The following FMNL2 variants were observed in gnomAD, a reference collection of about 807,000 sequenced individuals.
FMNL2 encodes the protein formin-like protein 2.
Under a neutral mutation model 130.2 loss-of-function variants are expected in FMNL2, and 51 were observed. That is an observed-to-expected ratio of 0.39 (90% CI 0.31 to 0.49). The LOEUF is 0.49. Ranked by LOEUF, FMNL2 falls within the 20% of genes least tolerant of loss-of-function variation. FMNL2 has a pLI of 0.85. For missense variants in FMNL2, 977 were observed against 1,316.2 expected (o/e 0.74, Z 3.99); for synonymous variants, 465 against 467.1 (o/e 1.00, Z 0.06).
At chr2:152,339,587 C>T (rs973638668) in intron 1 of FMNL2, among the ~76,000 whole-genome samples, 2 of 152,186 alleles carry the variant, frequency 1.3e-5, no homozygotes, top group African/African-American at 4.8e-5. Flanking sequence ...TGTGTCTTAG[C>T]TGCTGTATCT....
Position 152,525,947 on chromosome 2 carries a change from G to T in FMNL2, c.201+3921G>T, listed in dbSNP as rs2105420869. On this transcript the variant is annotated intron_variant, in intron 2 of 25. Transcript: ENST00000288670. ...AATTTTTTTTAAACCCTTTACTTGT[G>T]GTCAAATACTATTTCTTTAAAAAAG... 1.3e-5 allele frequency among the ~76,000 whole-genome samples: 2 copies of T among 151,954 alleles called. 1 individual carries two copies. Among genetic ancestry groups the T allele is most frequent in the East Asian group, 3.9e-4 (2 of 5,170 alleles).
intron 1 of FMNL2, among the ~76,000 whole-genome samples, chr2:152,486,370 G>C (rs985346187): frequency 6.6e-6 from 1 of 152,144 alleles, no homozygotes; most frequent in Non-Finnish European, 1.5e-5. Context: ...TACATAGCTG[G>C]GTTGGTTAAT....
At chr2:152,454,507 G>C (rs952557354) in intron 1 of FMNL2, among the ~76,000 whole-genome samples, 10 of 152,140 alleles carry the variant, frequency 6.6e-5, no homozygotes, top group African/African-American at 2.4e-4. Flanking sequence ...TGAAAGAACT[G>C]TTAAAATCCT....
At chr2:152,633,119 A>G (rs1682294609) in intron 21 of FMNL2, among the ~76,000 whole-genome samples, 2 of 149,058 alleles carry the variant, frequency 1.3e-5, no homozygotes, top group Admixed American at 1.3e-4. Context: ...TTTTTTAGAC[A>G]GGGTCTTGCT....
chr2:152,387,097 A>G (rs1684829170), intron 1 of FMNL2, among the ~76,000 whole-genome samples: 1 of 152,322 alleles, frequency 6.6e-6, no homozygotes, highest in Admixed American at 6.5e-5. Context: ...ATTCCTGGGA[A>G]GTAGAAATGA....
At chr2:152,388,496 G>A (rs1319990299) in intron 1 of FMNL2, among the ~76,000 whole-genome samples, 2 of 152,082 alleles carry the variant, frequency 1.3e-5, no homozygotes, top group African/African-American at 4.8e-5. Context: ...AGAACAGCAT[G>A]AGCCTAACTA....
At chr2:152,397,978 A>C (rs886760948) in intron 1 of FMNL2, among the ~76,000 whole-genome samples, 10 of 151,942 alleles carry the variant, frequency 6.6e-5, no homozygotes, top group African/African-American at 9.7e-5. Flanking sequence ...TACAAAAACT[A>C]TCTGGGTGTG....
At chr2:152,558,981 C>T (rs1695380723) in intron 5 of FMNL2, among the ~76,000 whole-genome samples, 158 bp downstream of exon 5, 1 of 151,886 alleles carries the variant, frequency 6.6e-6, no homozygotes, top group African/African-American at 2.4e-5. Context: ...AAAAACAAAT[C>T]ACATAATGGT....
rs533577839 is a variant in FMNL2 at position 152,506,660 on chromosome 2, A to T, written c.118-15283A>T. On this transcript the variant is annotated intron_variant, in intron 1 of 25. Transcript: ENST00000288670. ...GGGGGTGGAGGTAGATAGTATCTAG[A>T]CTAGAGGTTTCCAAACTTTTTCAGT... Among the ~76,000 whole-genome samples the T allele has an allele frequency of 2.0e-5, 3 of 152,286 alleles. No individual in the cohort carries two copies. The South Asian group carries it at 6.2e-4, about 32-fold the overall frequency.
intron 1 of FMNL2, among the ~76,000 whole-genome samples, chr2:152,438,758 G>C (rs1332198272): frequency 6.6e-6 from 1 of 152,048 alleles, no homozygotes; most frequent in Non-Finnish European, 1.5e-5. Flanking sequence ...AAACAATCAG[G>C]CTACATTTTT....
At chr2:152,465,806 C>T (rs1269595349) in intron 1 of FMNL2, among the ~76,000 whole-genome samples, 3 of 152,176 alleles carry the variant, frequency 2.0e-5, no homozygotes, top group African/African-American at 4.8e-5. Context: ...TGTGGGCTTG[C>T]GCCTAGAGCA....
chr2:152,401,496 T>TG (rs1685690167), intron 1 of FMNL2, among the ~76,000 whole-genome samples: 1 of 152,236 alleles, frequency 6.6e-6, no homozygotes, highest in Non-Finnish European at 1.5e-5. Context: ...TGAAGAATTC[T>TG]TCCTTTTTGA....
intron 4 of FMNL2, among the ~76,000 whole-genome samples, chr2:152,556,172 G>C (rs1328606309): frequency 6.6e-6 from 1 of 152,112 alleles, no homozygotes; most frequent in African/African-American, 2.4e-5. Flanking sequence ...CTTTTTTCAT[G>C]TCATCCATAC....
intron 6 of FMNL2, among the ~76,000 whole-genome samples, chr2:152,568,160 G>A (rs1695958534): frequency 6.6e-6 from 1 of 151,738 alleles, no homozygotes; most frequent in Non-Finnish European, 1.5e-5. Context: ...GACAATAGAT[G>A]GGTGATCACA....
intron 1 of FMNL2, among the ~76,000 whole-genome samples, chr2:152,454,479 G>A (rs1391476455): frequency 6.6e-6 from 1 of 152,076 alleles, no homozygotes; most frequent in African/African-American, 2.4e-5. Context: ...CTTTTGGGTG[G>A]GTGTAATGTT....
intron 1 of FMNL2, among the ~76,000 whole-genome samples, chr2:152,371,998 A>G (rs1157505728): frequency 6.6e-6 from 1 of 152,120 alleles, no homozygotes; most frequent in Non-Finnish European, 1.5e-5. Flanking sequence ...TTTATAAATT[A>G]CCCAGTTTCA....
chr2:152,461,581 T>A (rs1228011537), intron 1 of FMNL2, among the ~76,000 whole-genome samples: 1 of 152,212 alleles, frequency 6.6e-6, no homozygotes, highest in Non-Finnish European at 1.5e-5. Flanking sequence ...AAAAATTAAT[T>A]TAAATTAATA....
At position 152,629,857 on chromosome 2, in the gene FMNL2, C is replaced by T. The variant is rs1437071421; in HGVS notation, c.2502C>T (p.Ser834=). ...IILALGNYMN[S]SKRGAVYGFK... is the part of the protein sequence containing the mutation. ...TAGCCCTTGGAAACTACATGAATAG[C>T]AGTAAAAGAGGAGCAGTTTATGGAT... Residue 834 remains serine (S), a synonymous_variant, in exon 20 of 26, where the codon AGC becomes AGT. Transcript: ENST00000288670. 6.2e-7 allele frequency: 1 copy of T among 1,612,846 alleles called. No individual in the cohort carries two copies. Among genetic ancestry groups the T allele is most frequent in the South Asian group, 1.1e-5 (1 of 90,764 alleles).
rs756269494 is a variant in FMNL2 at position 152,619,591 on chromosome 2, GCCT to G, written c.1718_1720del (p.Pro573del). 64 of 476,092 alleles carry G rather than the reference GCCT, an allele frequency of 1.3e-4. No homozygotes were observed. Among genetic ancestry groups the G allele is most frequent in the Non-Finnish European group, 1.2e-4 (42 of 355,432 alleles). The allele number at this position is 476,092 out of a possible 1,614,324, so 29.5% of individuals were successfully genotyped here. ...CTCCTCCTCCCCCACCGCCCCCTCCGCCTCCTCCTCTCCCAGGCCCTGCAGCTG... is the reference window on the plus strand; with the variant it reads ...CTCCTCCTCCCCCACCGCCCCCTCCGCCTCCTCTCCCAGGCCCTGCAGCTG... On this transcript the variant is annotated inframe_deletion, in exon 15 of 26. Transcript: ENST00000288670.
Sources: gnomAD v4.1 joint callset for allele counts (sites outside exome capture counted in the v4.1 genomes callset) on GRCh38, gnomAD v4.1.1 for gene constraint, MANE v1.5 for transcripts, NCBI Gene and HGNC (gene_info 2026-07-23, HGNC 2026-07-21) for gene names.